DPYSL3: variants seen among roughly 807,000 people sequenced by gnomAD.
The protein encoded by DPYSL3 is dihydropyrimidinase like 3.
Under a neutral mutation model 66.1 loss-of-function variants are expected in DPYSL3, and 16 were observed. The observed-to-expected ratio is 0.24, with a 90% CI of 0.16 to 0.37. DPYSL3 has a LOEUF of 0.37. DPYSL3 is among the 10% of genes least tolerant of loss of function. The pLI, the probability that DPYSL3 is intolerant of heterozygous loss-of-function variation, is 1.00. For synonymous variants in DPYSL3, 338 were observed against 345.1 expected (o/e 0.98, Z 0.23); for missense variants, 738 against 916.2 (o/e 0.81, Z 2.51).
At chr5:147,443,559 T>C (rs1280526900) in intron 1 of DPYSL3, among the ~76,000 whole-genome samples, 1 of 150,252 alleles carries the variant, frequency 6.7e-6, no homozygotes, top group Non-Finnish European at 1.5e-5. Flanking sequence ...TGTATACCTA[T>C]GTAACAAACC....
intron 1 of DPYSL3, among the ~76,000 whole-genome samples, chr5:147,453,029 C>G (rs1048758076): frequency 6.6e-6 from 1 of 152,058 alleles, no homozygotes; most frequent in African/African-American, 2.4e-5. Context: ...GGGGACACGG[C>G]GAGGACAGGT....
At chr5:147,405,572 G>A (rs780688760) in intron 8 of DPYSL3, 38 bp downstream of exon 8, 5 of 1,592,142 alleles carry the variant, frequency 3.1e-6, no homozygotes, top group Non-Finnish European at 4.3e-6. Context: ...GCCACACAGT[G>A]CCATCAGGGG....
intron 8 of DPYSL3, among the ~76,000 whole-genome samples, chr5:147,402,438 C>T (rs558618071): frequency 7.3e-6 from 1 of 136,536 alleles, no homozygotes; most frequent in South Asian, 2.1e-4. Flanking sequence ...AGCTCCGCCT[C>T]CCGGGTTCAC....
At chr5:147,497,377 G>A (rs1031146680) in intron 1 of DPYSL3, among the ~76,000 whole-genome samples, 3 of 151,734 alleles carry the variant, frequency 2.0e-5, no homozygotes, top group South Asian at 4.2e-4. Context: ...TCATGCACAC[G>A]TACCCTAAAA....
chr5:147,501,230 A>C (rs1237524745), intron 1 of DPYSL3, among the ~76,000 whole-genome samples: 1 of 152,216 alleles, frequency 6.6e-6, no homozygotes, highest in African/African-American at 2.4e-5. Flanking sequence ...ATACTGTGTG[A>C]TTCCCACTAT....
chr5:147,423,498 C>T (rs1752126130), intron 2 of DPYSL3, among the ~76,000 whole-genome samples: 2 of 152,182 alleles, frequency 1.3e-5, no homozygotes, highest in African/African-American at 4.8e-5. Context: ...GCATGCAAAA[C>T]ATTTAACATT....
chr5:147,489,172 T>C (rs1753378691), intron 1 of DPYSL3, among the ~76,000 whole-genome samples: 1 of 152,222 alleles, frequency 6.6e-6, no homozygotes, highest in South Asian at 2.1e-4. Flanking sequence ...CTGCTTTAGC[T>C]ACTGTGCTCA....
intron 2 of DPYSL3, among the ~76,000 whole-genome samples, chr5:147,419,053 A>G (rs900397583): frequency 2.0e-5 from 3 of 152,202 alleles, no homozygotes; most frequent in African/African-American, 7.2e-5. Flanking sequence ...AGAAGATAAT[A>G]GTAAATCATT....
intron 7 of DPYSL3, among the ~76,000 whole-genome samples, chr5:147,406,788 C>T (rs891084177): frequency 3.9e-4 from 60 of 152,022 alleles, no homozygotes; most frequent in African/African-American, 1.4e-3. Context: ...TCTGGTTAGC[C>T]TGTGGAGCCC....
At chr5:147,461,143 A>G (rs905435290) in intron 1 of DPYSL3, among the ~76,000 whole-genome samples, 1 of 152,222 alleles carries the variant, frequency 6.6e-6, no homozygotes, top group Non-Finnish European at 1.5e-5. Context: ...CAAGGGAGCC[A>G]GGCATGGTCA....
chr5:147,420,149 G>A (rs1478066895), intron 2 of DPYSL3, among the ~76,000 whole-genome samples: 2 of 152,106 alleles, frequency 1.3e-5, no homozygotes, highest in African/African-American at 4.8e-5. Context: ...CTGGATGTGG[G>A]CTATCTGGAT....
intron 1 of DPYSL3, among the ~76,000 whole-genome samples, chr5:147,499,472 A>T (rs1474760770): frequency 6.6e-6 from 1 of 152,220 alleles, no homozygotes; most frequent in Non-Finnish European, 1.5e-5. Flanking sequence ...ATCTAAAGAA[A>T]CATGTGCAAC....
At chr5:147,415,184 C>T (rs868119655) in intron 4 of DPYSL3, among the ~76,000 whole-genome samples, 1 of 152,160 alleles carries the variant, frequency 6.6e-6, no homozygotes, top group Non-Finnish European at 1.5e-5. Flanking sequence ...TTTTCACACC[C>T]TAAGCTCCCA....
chr5:147,394,158 AAAAC>A, intron 13 of DPYSL3, 35 bp from the exon 14 acceptor site: 1 of 1,608,644 alleles, frequency 6.2e-7, no homozygotes, highest in South Asian at 1.1e-5. Flanking sequence ...GGGGAAAAAA[AAAAC>A]AGAGTGGCGG....
chr5:147,428,365 T>C (rs896961576), intron 1 of DPYSL3, among the ~76,000 whole-genome samples: 2 of 152,050 alleles, frequency 1.3e-5, no homozygotes, highest in African/African-American at 4.8e-5. Flanking sequence ...TGCCCTGCTA[T>C]CCTCCCCAAT....
chr5:147,432,890 A>T (rs1035070223), intron 1 of DPYSL3, among the ~76,000 whole-genome samples: 13 of 152,344 alleles, frequency 8.5e-5, no homozygotes, highest in African/African-American at 2.9e-4. Context: ...AAACATCACT[A>T]AATTTTGTCT....
At chr5:147,489,325 C>A (rs956747636) in intron 1 of DPYSL3, among the ~76,000 whole-genome samples, 43 of 152,302 alleles carry the variant, frequency 2.8e-4, no homozygotes, top group African/African-American at 9.9e-4. Flanking sequence ...GGATCCCATT[C>A]AGCACTGATG....
rs745426369 is a variant in DPYSL3, at chr5:147,415,845, G to A, written c.684C>T (p.Ser228=). ...ATTTCTCATAGGCCTCAGTCAGGCT[G>A]GACTCAGGCTCAGGCACCACATGGT... The part of the protein sequence containing the change: ...IIDHVVPEPE[S]SLTEAYEKWR... Residue 228 remains serine (S), a synonymous_variant, in exon 4 of 14, where the codon TCC becomes TCT. Coordinates refer to ENST00000343218, the MANE Select transcript of DPYSL3 (RefSeq NM_001197294.2). The A allele has an allele frequency of 9.9e-6, 16 of 1,613,886 alleles. No homozygotes were observed. The highest frequency in any genetic ancestry group is 2.2e-5 in the South Asian group (2 of 91,086).
chr5:147,448,618 C>G (rs1165110126), intron 1 of DPYSL3, among the ~76,000 whole-genome samples: 1 of 152,158 alleles, frequency 6.6e-6, no homozygotes, highest in Non-Finnish European at 1.5e-5. Flanking sequence ...CTTTCATGGC[C>G]ACTATTTGAG....
Sources: allele counts gnomAD v4.1 joint callset (sites outside exome capture counted in the v4.1 genomes callset), GRCh38; gene constraint gnomAD v4.1.1; transcripts MANE v1.5; gene names NCBI Gene and HGNC (gene_info 2026-07-23, HGNC 2026-07-21).